KHDRBS2: variants seen among roughly 807,000 people sequenced by gnomAD.
KHDRBS2 encodes KH domain-containing, RNA-binding, signal transduction-associated protein 2.
A neutral mutation model predicts 44.3 loss-of-function variants in KHDRBS2; 26 were observed. The ratio of observed to expected loss-of-function variants is 0.59; its 90% CI spans 0.43 to 0.81. KHDRBS2 has a LOEUF of 0.81. Among genes scored for constraint, KHDRBS2 ranks in the 40% least tolerant of loss-of-function variants. KHDRBS2 has a pLI of 0.00. For missense variants in KHDRBS2, 476 were observed against 433.1 expected (o/e 1.10, Z -0.88); for synonymous variants, 194 against 151.1 (o/e 1.28, Z -2.08).
At chr6:61,676,935 T>C (rs1765979800), downstream of KHDRBS2, among the ~76,000 whole-genome samples, 1 of 151,916 alleles carries the variant, frequency 6.6e-6, no homozygotes, top group South Asian at 2.1e-4. Context: ...TTATATCTAC[T>C]GTTTAATGCA....
intron 1 of KHDRBS2, among the ~76,000 whole-genome samples, chr6:62,213,922 A>G (rs2150147151): frequency 6.7e-6 from 1 of 148,194 alleles, no homozygotes; most frequent in East Asian, 2.0e-4. Flanking sequence ...TATCTTAGCC[A>G]ACTTCTAATA....
intron 2 of KHDRBS2, among the ~76,000 whole-genome samples, chr6:62,175,349 T>C (rs1820873534): frequency 6.6e-6 from 1 of 151,616 alleles, no homozygotes; most frequent in Non-Finnish European, 1.5e-5. Context: ...AACTATTATA[T>C]TAAACATCAG....
the KHDRBS2 span, chr6:61,630,342 T>G: frequency 7.3e-6 from 1 of 137,666 alleles, no homozygotes; most frequent in African/African-American, 2.8e-5. Context: ...CAATGAACAT[T>G]TTTTGTAGGT....
At chr6:61,836,314 A>C (rs1792658258) in intron 6 of KHDRBS2, among the ~76,000 whole-genome samples, 1 of 151,922 alleles carries the variant, frequency 6.6e-6, no homozygotes, top group Non-Finnish European at 1.5e-5. Flanking sequence ...GTATTCCATA[A>C]ACACACGCAG....
chr6:62,272,796 T>C (rs1285129343), intron 1 of KHDRBS2, among the ~76,000 whole-genome samples: 1 of 152,140 alleles, frequency 6.6e-6, no homozygotes, highest in Non-Finnish European at 1.5e-5. Context: ...TTTACAATTT[T>C]ATAATATCGT....
intron 4 of KHDRBS2, among the ~76,000 whole-genome samples, chr6:61,958,820 A>G (rs745571598): frequency 1.4e-4 from 22 of 152,246 alleles, no homozygotes; most frequent in South Asian, 4.1e-4. Context: ...CTATAACTCA[A>G]TCTGTGCCCT....
At chr6:61,757,488 G>A (rs2127571266) in intron 6 of KHDRBS2, among the ~76,000 whole-genome samples, 1 of 151,984 alleles carries the variant, frequency 6.6e-6, no homozygotes, top group Non-Finnish European at 1.5e-5. Flanking sequence ...TGTGTTTTTT[G>A]TAGGCTGCAT....
At chr6:62,074,012 G>A (rs542895891) in intron 2 of KHDRBS2, among the ~76,000 whole-genome samples, 1 of 151,848 alleles carries the variant, frequency 6.6e-6, no homozygotes, top group East Asian at 2.0e-4. Context: ...CTGTAATATG[G>A]ATCACAATCA....
chr6:61,951,712 T>G (rs992254586), intron 4 of KHDRBS2, among the ~76,000 whole-genome samples: 4 of 152,120 alleles, frequency 2.6e-5, no homozygotes, highest in Non-Finnish European at 4.4e-5. Context: ...CAGGAGCCAC[T>G]GATCTTGGGT....
At chr6:61,553,834 C>A in the KHDRBS2 span, among the ~76,000 whole-genome samples, 1 of 152,036 alleles carries the variant, frequency 6.6e-6, no homozygotes, top group African/African-American at 2.4e-5. Context: ...GTACTGATTC[C>A]TATTTTTATT....
At chr6:62,095,098 G>A (rs752962062) in intron 2 of KHDRBS2, among the ~76,000 whole-genome samples, 8 of 151,750 alleles carry the variant, frequency 5.3e-5, no homozygotes, top group East Asian at 1.9e-4. Flanking sequence ...TTTCTATGAA[G>A]AATGCCATTG....
chr6:61,974,146 A>G (rs747965528), intron 4 of KHDRBS2, among the ~76,000 whole-genome samples: 1 of 152,338 alleles, frequency 6.6e-6, no homozygotes, highest in Admixed American at 6.5e-5. Context: ...ATTGAAGGTG[A>G]GAATAAGCCA....
chr6:61,766,541 A>T (rs1455968068), intron 6 of KHDRBS2, among the ~76,000 whole-genome samples: 2 of 151,850 alleles, frequency 1.3e-5, no homozygotes, highest in East Asian at 3.9e-4. Flanking sequence ...GTTCTTTAAG[A>T]TGCATTGTGA....
the KHDRBS2 span, among the ~76,000 whole-genome samples, chr6:61,552,805 C>T: frequency 2.0e-5 from 3 of 151,940 alleles, no homozygotes; most frequent in Admixed American, 6.6e-5. Flanking sequence ...CACATTTGTT[C>T]ATTTGCATGT....
the KHDRBS2 span, among the ~76,000 whole-genome samples, chr6:61,650,403 A>G: frequency 2.1e-5 from 2 of 94,230 alleles, no homozygotes; most frequent in African/African-American, 3.7e-5. Context: ...CTTTTTTTAA[A>G]AAAATGTTTT....
the KHDRBS2 span, among the ~76,000 whole-genome samples, chr6:61,656,330 A>T: frequency 6.6e-6 from 1 of 151,986 alleles, no homozygotes; most frequent in African/African-American, 2.4e-5. Flanking sequence ...ATATATATTA[A>T]CTCATTCATC....
intron 5 of KHDRBS2, among the ~76,000 whole-genome samples, chr6:61,897,757 T>C (rs1803193208): frequency 6.6e-6 from 1 of 151,954 alleles, no homozygotes; most frequent in African/African-American, 2.4e-5. Flanking sequence ...CTCTTCTGCA[T>C]CAACCACAGT....
At chr6:61,843,323 T>C (rs1424110517) in intron 6 of KHDRBS2, among the ~76,000 whole-genome samples, 1 of 145,894 alleles carries the variant, frequency 6.9e-6, no homozygotes, top group Non-Finnish European at 1.5e-5. Context: ...AATGGCATGG[T>C]ATATGAATTA....
chr6:61,617,320 A>G, the KHDRBS2 span, among the ~76,000 whole-genome samples: 1 of 152,208 alleles, frequency 6.6e-6, no homozygotes, highest in Admixed American at 6.5e-5. Flanking sequence ...CAGAATGGCT[A>G]TCTGCATGCA....
Sources: allele counts gnomAD v4.1 joint callset (sites outside exome capture counted in the v4.1 genomes callset), GRCh38; gene constraint gnomAD v4.1.1; transcripts MANE v1.5; gene names NCBI Gene and HGNC (gene_info 2026-07-23, HGNC 2026-07-21).